The following USP40 variants were observed in gnomAD, a reference collection of about 807,000 sequenced individuals.
USP40 encodes ubiquitin carboxyl-terminal hydrolase 40.
USP40 carries 143 observed loss-of-function variants against 166.2 expected under a neutral mutation model. The ratio of observed to expected loss-of-function variants is 0.86; its 90% CI spans 0.75 to 0.99. The LOEUF (loss-of-function observed/expected upper bound fraction) is 0.99. USP40 is among the 50% of genes least tolerant of loss of function. USP40 has a pLI of 0.00. For synonymous variants in USP40, 498 were observed against 524.0 expected, an observed-to-expected ratio of 0.95 and a Z score of 0.68; for missense variants, 1,444 against 1,479.7, an observed-to-expected ratio of 0.98 and a Z score of 0.40.
In USP40 at chr2:233,541,685, T is replaced by C. The variant is rs74451508; in HGVS notation, c.1062+583A>G. On this transcript the variant is annotated intron_variant, in intron 9 of 31. Transcript: ENST00000678225. ...ATTATAACAAATCATTTATTAAGGA[T>C]GAATGAATAAATGAAAGAAGACCTC... Among the ~76,000 whole-genome samples the C allele has an allele frequency of 6.9e-3, 1,058 of 152,300 alleles. 10 individuals are homozygous for C. Among genetic ancestry groups the C allele is most frequent in the African/African-American group, 0.024 (986 of 41,560 alleles).
chr2:233,562,846 C>T (rs373869048), intron 2 of USP40, 43 bp from the exon 3 acceptor site: 17 of 1,449,168 alleles, frequency 1.2e-5, no homozygotes, highest in African/African-American at 1.0e-4. Flanking sequence ...GACATCATTT[C>T]ATTTTAAAAA....
At chr2:233,552,070 G>A (rs1306758581) in intron 6 of USP40, among the ~76,000 whole-genome samples, 1 of 152,016 alleles carries the variant, frequency 6.6e-6, no homozygotes, top group Non-Finnish European at 1.5e-5. Context: ...AAGAGTATCA[G>A]CTGTGCCCAA....
At chr2:233,520,936 T>C (rs2125213317) in intron 17 of USP40, 55 bp downstream of exon 17, 1 of 1,566,750 alleles carries the variant, frequency 6.4e-7, no homozygotes, top group South Asian at 1.2e-5. Context: ...GTTTTCTAAA[T>C]AAAATTCTGT....
At chr2:233,565,929 C>A (rs1197245156) in intron 1 of USP40, among the ~76,000 whole-genome samples, 4 of 152,168 alleles carry the variant, frequency 2.6e-5, no homozygotes, top group Non-Finnish European at 5.9e-5. Context: ...ACGTTCACAT[C>A]ACTAATTTTT....
At chr2:233,498,656 G>C in intron 22 of USP40, 44 bp from the exon 23 acceptor site, 1 of 1,528,526 alleles carries the variant, frequency 6.5e-7, no homozygotes, top group Non-Finnish European at 9.0e-7. Flanking sequence ...TCAAAGTTAG[G>C]TGAGACGTTG....
At chr2:233,549,811 C>A (rs1377091802) in intron 7 of USP40, among the ~76,000 whole-genome samples, 1 of 152,000 alleles carries the variant, frequency 6.6e-6, no homozygotes, top group Non-Finnish European at 1.5e-5. Flanking sequence ...TGTTTAGAGG[C>A]AGTTTAGTGG....
intron 23 of USP40, among the ~76,000 whole-genome samples, chr2:233,497,820 C>T (rs2065835595): frequency 6.6e-6 from 1 of 152,260 alleles, no homozygotes; most frequent in Admixed American, 6.5e-5. Context: ...GACTTACTGA[C>T]TGCTAAACAG....
chr2:233,523,580 C>G, intron 15 of USP40, 91 bp from the exon 16 acceptor site: 1 of 1,210,022 alleles, frequency 8.3e-7, no homozygotes, highest in Non-Finnish European at 1.1e-6. Context: ...AGAGAACAAC[C>G]CTCATTTTTT....
Position 233,477,496 on chromosome 2 carries a change from C to T in USP40, c.3607G>A (p.Ala1203Thr). ...RALGRRKSQE[A>T]LHEQSSYILS... ...ATGTAGCTGCTCTGCTCATGGAGGG[C>T]TTCTTGGCTGCAGAGACACAGACAC... is the stretch of plus-strand genomic sequence containing the variant. Residue 1203 changes from alanine to threonine, a missense_variant, in exon 32 of 32, where the codon GCC becomes ACC. Coordinates refer to ENST00000678225, the MANE Select transcript of USP40 (RefSeq NM_001365479.2). 6.2e-7 allele frequency: 1 copy of T among 1,612,962 alleles called. No homozygotes were observed. Among genetic ancestry groups the T allele is most frequent in the South Asian group, 1.1e-5 (1 of 90,974 alleles).
chr2:233,534,244 G>C (rs1214636079), intron 10 of USP40, among the ~76,000 whole-genome samples: 1 of 152,160 alleles, frequency 6.6e-6, no homozygotes, highest in Non-Finnish European at 1.5e-5. Flanking sequence ...CTGGACTAAA[G>C]TGAATGTTGT....
rs1463196456 is a variant in USP40 at position 233,498,998 on chromosome 2, CTTTTTA to C, written c.2651-392_2651-387del. On this transcript the variant is annotated intron_variant, in intron 22 of 31. Coordinates refer to ENST00000678225, the MANE Select transcript of USP40 (RefSeq NM_001365479.2). The stretch of plus-strand genomic sequence containing the variant: ...TCCAGGTGGTATACATCTTAGCGTT[CTTTTTA>C]TTTTAAGTTCTGGGGTACATGTGCA... Among the ~76,000 whole-genome samples, 6 of 152,196 alleles carry C rather than the reference CTTTTTA, an allele frequency of 3.9e-5. No homozygotes were observed. In the South Asian group the frequency reaches 8.3e-4, roughly 21 times the overall value.
intron 6 of USP40, among the ~76,000 whole-genome samples, chr2:233,553,205 A>C (rs2070743500): frequency 6.6e-6 from 1 of 152,248 alleles, no homozygotes; most frequent in Non-Finnish European, 1.5e-5. Context: ...ACTAGTATTT[A>C]GCAATTAACT....
At chr2:233,536,433 A>T (rs1403681741) in intron 10 of USP40, among the ~76,000 whole-genome samples, 2 of 152,186 alleles carry the variant, frequency 1.3e-5, no homozygotes, top group Non-Finnish European at 2.9e-5. Context: ...AAAAGAAAAA[A>T]ATTAAAGAAC....
intron 16 of USP40, among the ~76,000 whole-genome samples, chr2:233,521,522 C>T (rs751526572): frequency 6.6e-6 from 1 of 152,194 alleles, no homozygotes; most frequent in African/African-American, 2.4e-5. Flanking sequence ...AGGGCCACAT[C>T]TAAGGAGTGT....
intron 11 of USP40, among the ~76,000 whole-genome samples, chr2:233,531,238 A>G (rs1320773376): frequency 1.3e-5 from 2 of 152,144 alleles, no homozygotes; most frequent in Non-Finnish European, 2.9e-5. Context: ...ACCTTTTTGC[A>G]TTACCACTAC....
chr2:233,530,749 T>C (rs1460714192), intron 11 of USP40, among the ~76,000 whole-genome samples: 2 of 152,182 alleles, frequency 1.3e-5, no homozygotes, highest in East Asian at 1.9e-4. Context: ...TTTTTGTAAA[T>C]TGCTTATTTA....
In USP40 at chr2:233,562,751, A is replaced by G; in HGVS notation, c.252T>C (p.Asp84=). The part of the protein sequence containing the change: ...PEELGLFEDK[D]KPDAKVRIIP... ...ATAAAAATACCTTTGCATCGGGTTT[A>G]TCCTTATCTTCAAACAAACCAAGCT... Residue 84 remains aspartate (D), a synonymous_variant, in exon 3 of 32, where the codon GAT becomes GAC. Coordinates refer to ENST00000678225, the MANE Select transcript of USP40 (RefSeq NM_001365479.2). The G allele has an allele frequency of 6.5e-7, 1 of 1,535,720 alleles. No individual in the cohort carries two copies. Among genetic ancestry groups the G allele is most frequent in the Non-Finnish European group, 8.8e-7 (1 of 1,138,582 alleles).
rs943774035 is a variant in USP40, at chr2:233,485,547, T to A, written c.3488A>T (p.Asp1163Val). Residue 1163 changes from aspartate (D) to valine (V), a missense_variant, in exon 30 of 32, where the codon GAT (aspartate) becomes GTT (valine). By Grantham distance (152) the Asp-to-Val change is radical (BLOSUM62 -3). Transcript: ENST00000678225. ...QGAPYYLKDG[D>V]TIGVKNLLID... ...ACAACTTACCTTAACACCAATAGTA[T>A]CTCCGTCTTTCAAGTAATACGGTGC... The A allele has an allele frequency of 1.2e-6, 2 of 1,613,724 alleles. No individual in the cohort carries two copies. Among genetic ancestry groups the A allele is most frequent in the African/African-American group, 2.7e-5 (2 of 74,922 alleles).
intron 10 of USP40, among the ~76,000 whole-genome samples, chr2:233,538,338 C>T (rs2069091804): frequency 6.6e-6 from 1 of 152,062 alleles, no homozygotes; most frequent in African/African-American, 2.4e-5. Flanking sequence ...AAGAGACTGT[C>T]AAACTCTCTG....
Sources: allele counts gnomAD v4.1 joint callset (sites outside exome capture counted in the v4.1 genomes callset), GRCh38; gene constraint gnomAD v4.1.1; transcripts MANE v1.5; gene names NCBI Gene and HGNC (gene_info 2026-07-23, HGNC 2026-07-21).